The following REV3L variants were observed in gnomAD, a reference collection of about 807,000 sequenced individuals.
REV3L encodes DNA polymerase zeta catalytic subunit.
A neutral mutation model predicts 299.4 loss-of-function variants in REV3L; 69 were observed. The observed-to-expected ratio is 0.23, with a 90% CI of 0.19 to 0.28. REV3L has a LOEUF of 0.28. Ranked by LOEUF, REV3L falls within the 10% of genes least tolerant of loss-of-function variation. The pLI, the probability that REV3L is intolerant of heterozygous loss-of-function variation, is 1.00. For synonymous variants in REV3L, 1,238 were observed against 1,271.4 expected (o/e 0.97, Z 0.56); for missense variants, 3,128 against 3,693.8 (o/e 0.85, Z 3.97).
chr6:111,458,168 T>A (rs763298871), intron 1 of REV3L, among the ~76,000 whole-genome samples: 1 of 152,068 alleles, frequency 6.6e-6, no homozygotes, highest in East Asian at 1.9e-4. Flanking sequence ...ATTCACCACA[T>A]AAACAGAATT....
chr6:111,430,336 A>G (rs1369226996), intron 1 of REV3L: 2 of 1,167,512 alleles, frequency 1.7e-6, no homozygotes, highest in Non-Finnish European at 2.6e-6. Flanking sequence ...TGGCTACTCC[A>G]TGATCATTAA....
At chr6:111,405,811 A>G (rs1783557990) in intron 3 of REV3L, among the ~76,000 whole-genome samples, 181 bp from the exon 4 acceptor site, 1 of 152,216 alleles carries the variant, frequency 6.6e-6, no homozygotes, top group African/African-American at 2.4e-5. Context: ...TCAAGTAAGC[A>G]ACATGTTCTG....
Position 111,423,537 on chromosome 6 carries a change from A to T in REV3L, c.140-7065T>A, listed in dbSNP as rs949501776. On this transcript the variant is annotated intron_variant, in intron 1 of 31. Transcript: ENST00000368802. Reference sequence around the variant, plus strand: ...AAAAGAGTATGAGAGAGAGAAAAACAGTGTGTGTGTGTGTGAGAGAAAGTC... The same window carrying T: ...AAAAGAGTATGAGAGAGAGAAAAACTGTGTGTGTGTGTGTGAGAGAAAGTC... 2.6e-5 allele frequency among the ~76,000 whole-genome samples: 4 copies of T among 151,466 alleles called. No individual in the cohort carries two copies. In the South Asian group the frequency reaches 6.3e-4, roughly 24 times the overall value.
intron 26 of REV3L, among the ~76,000 whole-genome samples, chr6:111,316,791 A>G (rs1773579403): frequency 6.6e-6 from 1 of 152,206 alleles, no homozygotes; most frequent in Non-Finnish European, 1.5e-5. Context: ...CATATACAAA[A>G]AAGACATTAC....
At chr6:111,403,129 G>A (rs776333530) in intron 4 of REV3L, among the ~76,000 whole-genome samples, 1 of 152,064 alleles carries the variant, frequency 6.6e-6, no homozygotes, top group Non-Finnish European at 1.5e-5. Context: ...ATGCTAAGTA[G>A]GAAAAAACCC....
chr6:111,428,525 GT>G (rs1220740504), intron 1 of REV3L, among the ~76,000 whole-genome samples: 1 of 151,882 alleles, frequency 6.6e-6, no homozygotes, highest in Non-Finnish European at 1.5e-5. Flanking sequence ...AACAAGAAGA[GT>G]GAAATAATAC....
intron 24 of REV3L, among the ~76,000 whole-genome samples, chr6:111,331,232 TA>T (rs1349837798): frequency 6.6e-6 from 1 of 152,184 alleles, no homozygotes; most frequent in Non-Finnish European, 1.5e-5. Flanking sequence ...CTGAAAAATA[TA>T]AACAATAAGC....
chr6:111,405,526 T>C lies in REV3L; in HGVS notation c.509A>G (p.Tyr170Cys). The C allele has an allele frequency of 1.2e-6, 2 of 1,608,244 alleles. No homozygotes were observed. Among genetic ancestry groups the C allele is most frequent in the Non-Finnish European group, 8.5e-7 (1 of 1,177,614 alleles). The change falls in exon 4 of 32, where the codon TAT becomes TGT. Residue 170 changes from tyrosine to cysteine, a missense_variant. Transcript: ENST00000368802. ...AGCCAGATTTATTAAATTCATGCCA[T>C]AAAGATTGTAGTCAATGAAGAGCTG... ...LLQLFIDYNLYGMNLINLAAV... is the reference protein window; with the variant it reads ...LLQLFIDYNLCGMNLINLAAV...
At chr6:111,322,031 T>G (rs1322324864) in intron 26 of REV3L, among the ~76,000 whole-genome samples, 13 of 152,190 alleles carry the variant, frequency 8.5e-5, no homozygotes, top group Admixed American at 8.5e-4. Flanking sequence ...GGCACATTAT[T>G]TGCCAATCCA....
At chr6:111,444,483 T>A (rs1788615577) in intron 1 of REV3L, among the ~76,000 whole-genome samples, 1 of 152,110 alleles carries the variant, frequency 6.6e-6, no homozygotes, top group East Asian at 1.9e-4. Flanking sequence ...TAACCACAAA[T>A]GATCAGTATC....
chr6:111,380,426 A>AT (rs1780716302), intron 10 of REV3L, among the ~76,000 whole-genome samples: 1 of 151,856 alleles, frequency 6.6e-6, no homozygotes, highest in Non-Finnish European at 1.5e-5. Flanking sequence ...CACCTGGTTA[A>AT]TTTTTTGTAT....
intron 1 of REV3L, among the ~76,000 whole-genome samples, chr6:111,480,838 GT>G (rs56230820): frequency 0.034 from 3,681 of 108,974 alleles, 142 homozygotes; most frequent in African/African-American, 0.11. Context: ...TTTCGTTTTT[GT>G]TTTTTTTTTT....
intron 24 of REV3L, chr6:111,331,110 CTTCTT>C (rs1033344743): frequency 6.0e-6 from 4 of 667,016 alleles, no homozygotes; most frequent in Non-Finnish European, 7.4e-6. Flanking sequence ...GCAATATAAT[CTTCTT>C]TTAAGATGTC....
At chr6:111,321,217 G>C (rs1404663850) in intron 26 of REV3L, among the ~76,000 whole-genome samples, 1 of 152,088 alleles carries the variant, frequency 6.6e-6, no homozygotes, top group African/African-American at 2.4e-5. Context: ...GAAAACTGCT[G>C]GCCTAAATAA....
In REV3L at chr6:111,300,245, A is replaced by G. The variant is rs1237104461; in HGVS notation, c.9253-89T>C. ...AATTTTTATAATCCCTACTTTCTAG[A>G]CTACCACAGATTACTGGCAGACATA... On this transcript the variant is annotated intron_variant, in intron 31 of 31. Transcript: ENST00000368802. 3 of 1,028,260 alleles carry G rather than the reference A, an allele frequency of 2.9e-6. No homozygotes were observed. In the African/African-American group the frequency reaches 5.0e-5, roughly 17 times the overall value. The allele number at this position is 1,028,260 out of a possible 1,614,324, so 63.7% of individuals were successfully genotyped here.
At chr6:111,364,193 A>T (rs1324708782) in intron 15 of REV3L, among the ~76,000 whole-genome samples, 1 of 152,188 alleles carries the variant, frequency 6.6e-6, no homozygotes, top group Non-Finnish European at 1.5e-5. Context: ...AATATAAGCA[A>T]ACCATATGTT....
intron 25 of REV3L, among the ~76,000 whole-genome samples, chr6:111,326,606 C>T (rs396286): frequency 0.2 from 14,990 of 76,296 alleles, 899 homozygotes; most frequent in Non-Finnish European, 0.35. Flanking sequence ...TGGGTATATA[C>T]CCCCCCCAAA....
At chr6:111,422,663 CATATATAT>C (rs59939393) in intron 1 of REV3L, among the ~76,000 whole-genome samples, 2 of 17,876 alleles carry the variant, frequency 1.1e-4, no homozygotes, top group Non-Finnish European at 3.9e-4. Flanking sequence ...TATATATATA[CATATATAT>C]ATATATACGT....
intron 22 of REV3L, 91 bp from the exon 23 acceptor site, chr6:111,333,458 T>G (rs557069813): frequency 4.7e-6 from 7 of 1,494,672 alleles, no homozygotes; most frequent in Non-Finnish European, 6.3e-6. Flanking sequence ...AATCTGCTTT[T>G]CAGAATAAGA....
Sources: allele counts gnomAD v4.1 joint callset (sites outside exome capture counted in the v4.1 genomes callset), GRCh38; gene constraint gnomAD v4.1.1; transcripts MANE v1.5; gene names NCBI Gene and HGNC (gene_info 2026-07-23, HGNC 2026-07-21).